Variants in SORCS2 observed in about 807,000 individuals in gnomAD.
The protein encoded by SORCS2 is sortilin related VPS10 domain containing receptor 2.
A neutral mutation model predicts 141.6 loss-of-function variants in SORCS2; 100 were observed. The observed-to-expected ratio is 0.71, with a 90% confidence interval of 0.60 to 0.83. SORCS2 has a LOEUF of 0.83. SORCS2 is among the 40% of genes least tolerant of loss of function. The pLI, the probability that SORCS2 is intolerant of heterozygous loss-of-function variation, is 0.00. For synonymous variants in SORCS2, 789 were observed against 676.9 expected, an observed-to-expected ratio of 1.17 and a Z score of -2.57; for missense variants, 1,646 against 1,560.2, an observed-to-expected ratio of 1.05 and a Z score of -0.93.
intron 3 of SORCS2, among the ~76,000 whole-genome samples, chr4:7,619,940 C>A (rs1340849676): frequency 6.6e-6 from 1 of 152,138 alleles, no homozygotes; most frequent in African/African-American, 2.4e-5. Flanking sequence ...CCTGCCCCTG[C>A]CCTGTCCCCA....
At chr4:7,482,263 G>A (rs28754368) in intron 2 of SORCS2, among the ~76,000 whole-genome samples, 3 of 23,996 alleles carry the variant, frequency 1.3e-4, no homozygotes, top group African/African-American at 2.3e-4. Flanking sequence ...CTGTATCCCC[G>A]CTGCGGACAC....
chr4:7,232,492 T>G (rs754277580), intron 1 of SORCS2, among the ~76,000 whole-genome samples: 1 of 152,184 alleles, frequency 6.6e-6, no homozygotes, highest in Non-Finnish European at 1.5e-5. Context: ...GGCGGATTTA[T>G]TCTTTTCATC....
chr4:7,391,485 T>G (rs892166995), intron 1 of SORCS2, among the ~76,000 whole-genome samples: 1 of 152,018 alleles, frequency 6.6e-6, no homozygotes, highest in African/African-American at 2.4e-5. Context: ...CACTGAGTTG[T>G]GTGGTGGAGG....
At chr4:7,612,346 A>G (rs1301523210) in intron 3 of SORCS2, among the ~76,000 whole-genome samples, 1 of 152,180 alleles carries the variant, frequency 6.6e-6, no homozygotes, top group East Asian at 1.9e-4. Context: ...CAGTAGAGCT[A>G]GGACACACGC....
intron 1 of SORCS2, among the ~76,000 whole-genome samples, chr4:7,388,601 T>G (rs1379338283): frequency 1.3e-5 from 2 of 152,096 alleles, no homozygotes; most frequent in Non-Finnish European, 2.9e-5. Flanking sequence ...TGTGTTTCCT[T>G]CCAGCATTTC....
rs373856385 is a variant in SORCS2 at position 7,434,315 on chromosome 4, G to A, written c.548+37960G>A. On this transcript the variant is annotated intron_variant, in intron 2 of 26. Coordinates refer to ENST00000507866, the MANE Select transcript of SORCS2 (RefSeq NM_020777.3). ...GCCTCCTGGAGTCGGGAGACCTGCC[G>A]TACACAGTCTTGGCACAGAGCTCCT... The A allele has an allele frequency of 2.5e-5, 40 of 1,611,266 alleles. No homozygotes were observed. The highest frequency in any genetic ancestry group is 5.3e-5 in the African/African-American group (4 of 75,018).
chr4:7,456,303 G>GTGAATGAA (rs199612269), intron 2 of SORCS2, among the ~76,000 whole-genome samples: 52 of 152,096 alleles, frequency 3.4e-4, no homozygotes, highest in South Asian at 6.2e-4. Flanking sequence ...TGTTTGTGAT[G>GTGAATGAA]TGAATGAATG....
At chr4:7,494,059 TCACA>T (rs201264268) in intron 2 of SORCS2, among the ~76,000 whole-genome samples, 3,687 of 151,934 alleles carry the variant, frequency 0.024, 63 homozygotes, top group African/African-American at 0.052. Flanking sequence ...ACTCACATGC[TCACA>T]CACACACTCA....
Position 7,417,587 on chromosome 4 carries a change from G to A in SORCS2, c.548+21232G>A, listed in dbSNP as rs528959561. Among the ~76,000 whole-genome samples, 3 of 152,272 alleles carry A rather than the reference G, an allele frequency of 2.0e-5. No individual in the cohort carries two copies. The South Asian group carries it at 6.2e-4, about 32-fold the overall frequency. ...AATCCTGTTCTCCCACCTTTAAAAC[G>A]GGTCTGCTGAGATGGGGCAAAGGTG... On this transcript the variant is annotated intron_variant, in intron 2 of 26. Coordinates refer to ENST00000507866, the MANE Select transcript of SORCS2 (RefSeq NM_020777.3).
Position 7,715,270 on chromosome 4 carries a change from T to G in SORCS2, c.2211T>G (p.Pro737=). ...TCTGGTTTAACCCATTGTCCCCGCCTGACGACTGTGCCCTGGGCCAGACCT... is the reference window on the plus strand; with the variant it reads ...TCTGGTTTAACCCATTGTCCCCGCCGGACGACTGTGCCCTGGGCCAGACCT... The part of the protein sequence containing the change: ...ANFWFNPLSP[P]DDCALGQTYT... Residue 737 remains proline, a synonymous_variant, in exon 17 of 27, where the codon CCT becomes CCG. Coordinates refer to ENST00000507866, the MANE Select transcript of SORCS2 (RefSeq NM_020777.3). 6.2e-7 allele frequency: 1 copy of G among 1,613,638 alleles called. No homozygotes were observed. The highest frequency in any genetic ancestry group is 8.5e-7 in the Non-Finnish European group (1 of 1,179,762).
At chr4:7,614,077 A>C (rs67667723) in intron 3 of SORCS2, among the ~76,000 whole-genome samples, 60,078 of 150,588 alleles carry the variant, frequency 0.4, 12,374 homozygotes, top group Middle Eastern at 0.44. Flanking sequence ...ACCACGATCC[A>C]TTCATCCACC....
chr4:7,342,244 C>T (rs541347560), intron 1 of SORCS2, among the ~76,000 whole-genome samples: 3 of 152,104 alleles, frequency 2.0e-5, no homozygotes, highest in East Asian at 2.0e-4. Flanking sequence ...GTGATGTGGA[C>T]ATGGGTCTGC....
At chr4:7,439,438 C>G (rs1560285903) in intron 2 of SORCS2, among the ~76,000 whole-genome samples, 1 of 152,200 alleles carries the variant, frequency 6.6e-6, no homozygotes, top group African/African-American at 2.4e-5. Context: ...AGAGCTCTCT[C>G]TTGCTACACA....
intron 3 of SORCS2, among the ~76,000 whole-genome samples, chr4:7,604,874 A>C (rs1265239564): frequency 6.6e-6 from 1 of 152,208 alleles, no homozygotes; most frequent in Non-Finnish European, 1.5e-5. Context: ...AGCTTCAGGC[A>C]GAGGGATTCT....
intron 3 of SORCS2, among the ~76,000 whole-genome samples, chr4:7,552,212 C>A (rs776146869): frequency 6.6e-6 from 1 of 152,144 alleles, no homozygotes; most frequent in Non-Finnish European, 1.5e-5. Context: ...AGGGCCCATG[C>A]GAGGTGGGGC....
At chr4:7,504,346 C>A (rs1414840826) in intron 2 of SORCS2, among the ~76,000 whole-genome samples, 5 of 152,176 alleles carry the variant, frequency 3.3e-5, no homozygotes, top group Non-Finnish European at 4.4e-5. Context: ...AGCTCAGCAC[C>A]CCCAGAGCTC....
chr4:7,639,526 T>G (rs1286688766), intron 4 of SORCS2, among the ~76,000 whole-genome samples: 13 of 76,150 alleles, frequency 1.7e-4, no homozygotes, highest in South Asian at 5.6e-4. Flanking sequence ...GTTTGTGGGA[T>G]GTGGGGGGGT....
At chr4:7,557,829 C>T (rs1251503669) in intron 3 of SORCS2, among the ~76,000 whole-genome samples, 1 of 152,172 alleles carries the variant, frequency 6.6e-6, no homozygotes, top group Non-Finnish European at 1.5e-5. Flanking sequence ...GGCACGGTGC[C>T]CCATGCCGAC....
chr4:7,382,467 A>T (rs931957182), intron 1 of SORCS2, among the ~76,000 whole-genome samples: 1 of 152,010 alleles, frequency 6.6e-6, no homozygotes, highest in African/African-American at 2.4e-5. Context: ...CAGATCCCCG[A>T]GTTGAGTTTG....
Sources: allele counts gnomAD v4.1 joint callset (sites outside exome capture counted in the v4.1 genomes callset), GRCh38; gene constraint gnomAD v4.1.1; transcripts MANE v1.5; gene names NCBI Gene and HGNC (gene_info 2026-07-23, HGNC 2026-07-21).